CDH13: variants seen among roughly 807,000 people sequenced by gnomAD.
The protein encoded by CDH13 is cadherin-13.
Under a neutral mutation model 63.8 loss-of-function variants are expected in CDH13, and 24 were observed. That is an observed-to-expected ratio of 0.38 (90% CI 0.27 to 0.53). CDH13 has a LOEUF of 0.53. Ranked by LOEUF, CDH13 falls within the 20% of genes least tolerant of loss-of-function variation. The probability of loss-of-function intolerance (pLI) is 0.85; values close to 1 mark genes in which losing one functional copy is unlikely to be tolerated. For missense variants in CDH13, 1,049 were observed against 903.1 expected, an observed-to-expected ratio of 1.16 and a Z score of -2.07; for synonymous variants, 503 against 355.3, an observed-to-expected ratio of 1.42 and a Z score of -4.67.
chr16:83,756,994 G>T (rs544488513), intron 11 of CDH13, among the ~76,000 whole-genome samples: 3 of 152,068 alleles, frequency 2.0e-5, no homozygotes, highest in Admixed American at 2.0e-4. Context: ...AAATTCCCAA[G>T]GAAAATTACC....
In CDH13 at chr16:83,130,647, G is replaced by A. The variant is rs140215354; in HGVS notation, c.483+5146G>A. Among the ~76,000 whole-genome samples, 133 of 152,282 alleles carry A rather than the reference G, an allele frequency of 8.7e-4. 2 individuals are homozygous for A. The East Asian group carries it at 0.024, about 28-fold the overall frequency. ...TTTCGAGTTTTCTCTGCATTTGGAA[G>A]TTTTGTAATAAAATGTTGGGAAAAA... On this transcript the variant is annotated intron_variant, in intron 4 of 13. Coordinates refer to ENST00000567109, the MANE Select transcript of CDH13 (RefSeq NM_001257.5).
chr16:83,712,978 T>C (rs1908291927), intron 10 of CDH13, among the ~76,000 whole-genome samples: 1 of 152,240 alleles, frequency 6.6e-6, no homozygotes, highest in Non-Finnish European at 1.5e-5. Context: ...AAAGAAATGT[T>C]AAGGTGGAGA....
chr16:82,868,083 G>A (rs2040214072), intron 2 of CDH13, among the ~76,000 whole-genome samples: 1 of 152,160 alleles, frequency 6.6e-6, no homozygotes, highest in African/African-American at 2.4e-5. Context: ...GATTAGTGAG[G>A]TTATGTAACG....
At chr16:82,859,718 G>C (rs2039854647) in intron 2 of CDH13, 2 of 150,036 alleles carry the variant, frequency 1.3e-5, no homozygotes, top group Non-Finnish European at 3.0e-5. Context: ...TGGCTGACAA[G>C]TTTAAAGGAA....
At chr16:83,074,186 A>G (rs555089286) in intron 3 of CDH13, among the ~76,000 whole-genome samples, 1 of 152,252 alleles carries the variant, frequency 6.6e-6, no homozygotes, top group South Asian at 2.1e-4. Flanking sequence ...GGTAACCACC[A>G]TTGCGCTCTT....
chr16:83,728,737 T>A (rs538539260), intron 10 of CDH13: 2 of 152,354 alleles, frequency 1.3e-5, no homozygotes, highest in African/African-American at 4.8e-5. Context: ...ATTGCTGATG[T>A]GACGGGTTTT....
At chr16:83,784,741 C>A (rs1301728352) in intron 13 of CDH13, among the ~76,000 whole-genome samples, 2 of 152,084 alleles carry the variant, frequency 1.3e-5, no homozygotes. Flanking sequence ...ACCTGCCCCT[C>A]TGCCTGACTT....
intron 1 of CDH13, among the ~76,000 whole-genome samples, chr16:82,841,294 C>G (rs955507846): frequency 2.0e-5 from 3 of 152,204 alleles, no homozygotes; most frequent in African/African-American, 4.8e-5. Context: ...TTTTTGCAGC[C>G]TCTCTGTTAG....
intron 4 of CDH13, among the ~76,000 whole-genome samples, chr16:83,166,876 T>C (rs1287617798): frequency 6.6e-6 from 1 of 152,164 alleles, no homozygotes; most frequent in Non-Finnish European, 1.5e-5. Context: ...ATTTTTGCAG[T>C]GTTGCAAATC....
intron 3 of CDH13, among the ~76,000 whole-genome samples, chr16:83,074,157 T>G (rs572363743): frequency 3.4e-4 from 52 of 152,322 alleles, no homozygotes; most frequent in African/African-American, 1.2e-3. Flanking sequence ...GACAAACATC[T>G]GCATCCTTCC....
intron 8 of CDH13, among the ~76,000 whole-genome samples, chr16:83,644,208 T>C (rs1396196845): frequency 6.6e-6 from 1 of 152,228 alleles, no homozygotes; most frequent in African/African-American, 2.4e-5. Context: ...ACTTAGCACA[T>C]TTTATTTCCA....
chr16:82,817,452 A>G (rs2037776028), intron 1 of CDH13, among the ~76,000 whole-genome samples: 2 of 152,188 alleles, frequency 1.3e-5, no homozygotes, highest in African/African-American at 4.8e-5. Context: ...TAACAGTGAC[A>G]AAATACTCTC....
intron 10 of CDH13, among the ~76,000 whole-genome samples, chr16:83,739,569 A>G (rs549936410): frequency 3.7e-4 from 56 of 151,950 alleles, no homozygotes; most frequent in African/African-American, 1.3e-3. Flanking sequence ...ACACAAACCC[A>G]CCTAACTAAG....
intron 6 of CDH13, among the ~76,000 whole-genome samples, chr16:83,361,298 AATT>A (rs1217333185): frequency 6.6e-6 from 1 of 152,096 alleles, no homozygotes; most frequent in African/African-American, 2.4e-5. Flanking sequence ...TCGCTTGTTG[AATT>A]ATTTAAGTTC....
At chr16:83,686,908 C>T (rs1436243816) in intron 10 of CDH13, among the ~76,000 whole-genome samples, 1 of 152,146 alleles carries the variant, frequency 6.6e-6, no homozygotes, top group Non-Finnish European at 1.5e-5. Flanking sequence ...CATTTTTCTG[C>T]ATTAAGTAGA....
chr16:83,141,125 C>G (rs2036511500), intron 4 of CDH13, among the ~76,000 whole-genome samples: 2 of 152,222 alleles, frequency 1.3e-5, no homozygotes, highest in South Asian at 4.1e-4. Flanking sequence ...TATATCTTCT[C>G]CCTCTCCTGA....
At chr16:83,289,074 GA>G (rs2151863597) in intron 5 of CDH13, among the ~76,000 whole-genome samples, 1 of 152,320 alleles carries the variant, frequency 6.6e-6, no homozygotes, top group South Asian at 2.1e-4. Flanking sequence ...AGTCTTTAGT[GA>G]AACAGGAGTG....
At chr16:83,599,046 G>A (rs889015621) in intron 7 of CDH13, among the ~76,000 whole-genome samples, 30 of 152,198 alleles carry the variant, frequency 2.0e-4, no homozygotes, top group African/African-American at 6.8e-4. Context: ...CAGGAGTGGG[G>A]TCAGCCCCAC....
intron 1 of CDH13, among the ~76,000 whole-genome samples, chr16:82,838,747 C>T (rs2151127636): frequency 6.6e-6 from 1 of 152,310 alleles, no homozygotes; most frequent in Middle Eastern, 3.4e-3. Flanking sequence ...CCCAGTACTT[C>T]TCTCATTCTG....
Sources: gnomAD v4.1 joint callset for allele counts (sites outside exome capture counted in the v4.1 genomes callset) on GRCh38, gnomAD v4.1.1 for gene constraint, MANE v1.5 for transcripts, NCBI Gene and HGNC (gene_info 2026-07-23, HGNC 2026-07-21) for gene names.